Variants in PRKAR1A observed in about 807,000 individuals in gnomAD.
PRKAR1A encodes the protein protein kinase cAMP-dependent type I regulatory subunit alpha, also known as cAMP-dependent protein kinase type I-alpha regulatory subunit.
A neutral mutation model predicts 52.0 loss-of-function variants in PRKAR1A; 3 were observed. That is an observed-to-expected ratio of 0.06 (90% CI 0.03 to 0.15). The LOEUF is 0.15. PRKAR1A is among the 10% of genes least tolerant of loss of function. The probability of loss-of-function intolerance (pLI) is 1.00; values close to 1 mark genes in which losing one functional copy is unlikely to be tolerated. For synonymous variants in PRKAR1A, 188 were observed against 168.4 expected (o/e 1.12, Z -0.90); for missense variants, 240 against 477.4 (o/e 0.50, Z 4.63).
the PRKAR1A span, among the ~76,000 whole-genome samples, chr17:68,466,409 C>CTTT: frequency 7.9e-4 from 93 of 118,362 alleles, no homozygotes; most frequent in African/African-American, 1.5e-3. Flanking sequence ...TTTTCTCTCT[C>CTTT]TTTTTTTTTT....
At chr17:68,551,246 T>A in exon 12 of PRKAR1A, 1 of 765,498 alleles carries the variant, frequency 1.3e-6, no homozygotes, top group Non-Finnish European at 1.8e-6. Flanking sequence ...CACTCATCTC[T>A]ATGTTTCACA....
chr17:68,421,054 C>T, the PRKAR1A span: 1 of 155,030 alleles, frequency 6.5e-6, no homozygotes, highest in Admixed American at 6.3e-5. Context: ...TCGAGTAGAT[C>T]CTGAAATCCT....
the PRKAR1A span, among the ~76,000 whole-genome samples, chr17:68,500,348 T>C: frequency 6.6e-6 from 1 of 152,150 alleles, no homozygotes; most frequent in East Asian, 1.9e-4. Flanking sequence ...ATCTGATGGT[T>C]TTATAAGGGG....
At chr17:68,423,115 G>A in the PRKAR1A span, among the ~76,000 whole-genome samples, 2 of 152,150 alleles carry the variant, frequency 1.3e-5, no homozygotes, top group African/African-American at 4.8e-5. This position sits in a 1 kb window ranked among gnomAD's most constrained non-coding sequence, Gnocchi z 4.4. Flanking sequence ...CAAGAGAGGC[G>A]ATTTTAACCA....
At chr17:68,537,543 A>G, downstream of PRKAR1A, 1 of 1,613,410 alleles carries the variant, frequency 6.2e-7, no homozygotes, top group Non-Finnish European at 8.5e-7. The surrounding 1 kb of genome is among the most constrained non-coding windows in gnomAD (Gnocchi z 4.2). Context: ...CGACTATGAC[A>G]CTCTGCTGTC....
At chr17:68,518,313 G>T (rs934148905) in intron 2 of PRKAR1A, among the ~76,000 whole-genome samples, 1 of 152,190 alleles carries the variant, frequency 6.6e-6, no homozygotes, top group East Asian at 1.9e-4. Context: ...TTTCCCTTCC[G>T]CACTGCCCTA....
At chr17:68,534,475 C>T (rs559553307), downstream of PRKAR1A, among the ~76,000 whole-genome samples, 1 of 151,642 alleles carries the variant, frequency 6.6e-6, no homozygotes, top group Non-Finnish European at 1.5e-5. Context: ...CCTCCCAACA[C>T]ACATGTTCCC....
chr17:68,548,702 G>C (rs2086682072), intron 11 of PRKAR1A, among the ~76,000 whole-genome samples: 1 of 148,186 alleles, frequency 6.7e-6, no homozygotes, highest in Admixed American at 6.7e-5. Flanking sequence ...GTGAAACGCA[G>C]ATACAGCGAG....
chr17:68,512,729 A>G (rs2143094784), intron 1 of PRKAR1A, 181 bp downstream of exon 1: 1 of 151,386 alleles, frequency 6.6e-6, no homozygotes, highest in South Asian at 2.1e-4. Context: ...CCCGGCTCCG[A>G]GTCTGCATCC....
At chr17:68,433,005 G>C in the PRKAR1A span, among the ~76,000 whole-genome samples, 2 of 152,156 alleles carry the variant, frequency 1.3e-5, no homozygotes, top group African/African-American at 2.4e-5. Context: ...TAAGCCCTGA[G>C]AAATTGCAGG....
the PRKAR1A span, among the ~76,000 whole-genome samples, chr17:68,460,959 T>G: frequency 6.6e-6 from 1 of 152,358 alleles, no homozygotes; most frequent in South Asian, 2.1e-4. Context: ...TTTTCTTTTT[T>G]AACATTCTAG....
At chr17:68,439,726 G>T in the PRKAR1A span, among the ~76,000 whole-genome samples, 1 of 152,206 alleles carries the variant, frequency 6.6e-6, no homozygotes, top group African/African-American at 2.4e-5. Flanking sequence ...TCAAGACTGA[G>T]GTCTGCTATG....
At chr17:68,458,182 C>T in the PRKAR1A span, among the ~76,000 whole-genome samples, 1 of 152,174 alleles carries the variant, frequency 6.6e-6, no homozygotes, top group Non-Finnish European at 1.5e-5. Flanking sequence ...GTTGAGAACC[C>T]TCACTACTTG....
the PRKAR1A span, among the ~76,000 whole-genome samples, chr17:68,427,758 A>G: frequency 6.6e-6 from 1 of 152,196 alleles, no homozygotes. Flanking sequence ...TGCTCTTCCC[A>G]GTACACACAG....
At chr17:68,525,054 A>T (rs2085743874) in intron 6 of PRKAR1A, 96 bp downstream of exon 6, 3 of 959,524 alleles carry the variant, frequency 3.1e-6, no homozygotes, top group Admixed American at 1.9e-5. Context: ...GGGTCATTAC[A>T]TCCCTTGTAT....
At chr17:68,540,077 T>G (rs1243630874) in intron 11 of PRKAR1A, 2 of 910,628 alleles carry the variant, frequency 2.2e-6, no homozygotes, top group Admixed American at 3.9e-5. Flanking sequence ...GAGACAGGGG[T>G]GTGAACGAAG....
At chr17:68,441,879 A>G in the PRKAR1A span, among the ~76,000 whole-genome samples, 4 of 152,344 alleles carry the variant, frequency 2.6e-5, no homozygotes, top group East Asian at 7.7e-4. Flanking sequence ...TCAGAGGTCT[A>G]AAAAGACACA....
At chr17:68,544,068 G>C (rs1296058755) in intron 11 of PRKAR1A, among the ~76,000 whole-genome samples, 2 of 152,178 alleles carry the variant, frequency 1.3e-5, no homozygotes, top group Non-Finnish European at 2.9e-5. Flanking sequence ...GAAGAGAGGG[G>C]AATGGTTAGC....
chr17:68,436,997 AAAAAAAAAAT>A, the PRKAR1A span, among the ~76,000 whole-genome samples: 16 of 59,002 alleles, frequency 2.7e-4, no homozygotes, highest in South Asian at 5.1e-3. Flanking sequence ...CCGTCTCAAA[AAAAAAAAAAT>A]ATATATATAT....
Sources: gnomAD v4.1 joint callset for allele counts (sites outside exome capture counted in the v4.1 genomes callset) on GRCh38, gnomAD v4.1.1 for gene constraint, Gnocchi (gnomAD v3.1) non-coding constraint, MANE v1.5 for transcripts, NCBI Gene and HGNC (gene_info 2026-07-23, HGNC 2026-07-21) for gene names.